Variants in TOGARAM2 observed in about 807,000 individuals in gnomAD.
The protein encoded by TOGARAM2 is TOG array regulator of axonemal microtubules protein 2.
TOGARAM2 carries 85 observed loss-of-function variants against 93.3 expected under a neutral mutation model. The observed-to-expected ratio is 0.91, with a 90% CI of 0.76 to 1.09. The LOEUF is 1.09. Ranked by LOEUF, TOGARAM2 falls within the 50% of genes least tolerant of loss-of-function variation. The pLI is 0.00. For missense variants in TOGARAM2, 1,277 were observed against 1,334.5 expected (o/e 0.96, Z 0.67); for synonymous variants, 593 against 552.8 (o/e 1.07, Z -1.02).
chr2:29,018,074 C>T, intron 10 of TOGARAM2, 118 bp downstream of exon 10: 3 of 1,201,442 alleles, frequency 2.5e-6, no homozygotes, highest in African/African-American at 1.6e-5. Context: ...CCATGTTAGA[C>T]CAGGAGGCAG....
intron 4 of TOGARAM2, among the ~76,000 whole-genome samples, chr2:29,000,816 C>T (rs1673248960): frequency 6.6e-6 from 1 of 152,132 alleles, no homozygotes; most frequent in South Asian, 2.1e-4. Flanking sequence ...CCTGGCTGCA[C>T]ATTATGGAGG....
At chr2:28,977,019 G>T (rs1034667086), upstream of TOGARAM2, among the ~76,000 whole-genome samples, 2 of 152,188 alleles carry the variant, frequency 1.3e-5, no homozygotes, top group South Asian at 2.1e-4. Flanking sequence ...TTCTACCTGG[G>T]GGGGCGTGGC....
intron 6 of TOGARAM2, among the ~76,000 whole-genome samples, chr2:29,005,494 TGA>T (rs1673688501): frequency 9.5e-6 from 1 of 105,220 alleles, no homozygotes; most frequent in African/African-American, 3.2e-5. Context: ...TGCATGTGTG[TGA>T]GTGCATGTGT....
chr2:28,967,946 G>C (rs1016472747), intron 1 of TOGARAM2, among the ~76,000 whole-genome samples: 4 of 151,908 alleles, frequency 2.6e-5, no homozygotes, highest in African/African-American at 9.7e-5. Context: ...AGCCTCCCGG[G>C]TAGCTGGGAT....
rs1378602720 is a variant in TOGARAM2, at chr2:29,024,196, T to C, written c.1675T>C (p.Phe559Leu). The C allele has an allele frequency of 1.2e-6, 2 of 1,604,660 alleles. No individual in the cohort carries two copies. Among genetic ancestry groups the C allele is most frequent in the South Asian group, 2.2e-5 (2 of 89,114 alleles). Residue 559 changes from phenylalanine to leucine, a missense_variant, in exon 13 of 20, where the codon TTC (phenylalanine) becomes CTC (leucine). Transcript: ENST00000379558. ...HLAISTLGDL[F>L]QALKKNMDQE... ...GGCCATCAGCACCTTGGGAGACCTC[T>C]TCCAGGCCTTGAAGAAGAATATGGA...
At position 29,002,668 on chromosome 2, in the gene TOGARAM2, C is replaced by A. The variant is rs1673377317; in HGVS notation, c.560C>A (p.Ala187Asp). 1 of 1,613,910 alleles carries A rather than the reference C, an allele frequency of 6.2e-7. No individual in the cohort carries two copies. The highest frequency in any genetic ancestry group is 1.1e-5 in the South Asian group (1 of 91,082). The change falls in exon 5 of 20, where the codon GCC becomes GAC. Residue 187 changes from alanine to aspartate, a missense_variant. Physicochemically the swap from Ala to Asp is moderately radical, Grantham distance 126. Transcript: ENST00000379558. ...CAGAGCATCCCTACCACCCCTGAGGCCAGCGGAGTCAAAGAGAAGGGCCTG... is the reference window on the plus strand; with the variant it reads ...CAGAGCATCCCTACCACCCCTGAGGACAGCGGAGTCAAAGAGAAGGGCCTG... ...LIQSIPTTPE[A>D]SGVKEKGLDL... is the part of the protein sequence containing the mutation.
intron 14 of TOGARAM2, among the ~76,000 whole-genome samples, chr2:29,029,553 G>A (rs6759389): frequency 0.069 from 10,503 of 151,860 alleles, 412 homozygotes; most frequent in East Asian, 0.14. Context: ...TCAGGAGATC[G>A]AGACCATCCT....
At chr2:28,990,045 C>T (rs891791306) in intron 1 of TOGARAM2, among the ~76,000 whole-genome samples, 2 of 152,184 alleles carry the variant, frequency 1.3e-5, no homozygotes, top group Admixed American at 6.5e-5. Context: ...TGCAGGTCTA[C>T]GGCCTGGGCT....
At chr2:29,008,897 T>C (rs72788108) in intron 6 of TOGARAM2, among the ~76,000 whole-genome samples, 11,476 of 152,310 alleles carry the variant, frequency 0.075, 514 homozygotes, top group African/African-American at 0.12. Context: ...ATATCTGTCC[T>C]TTCCTGTTTG....
At chr2:29,037,681 A>G (rs1333686059) in intron 18 of TOGARAM2, among the ~76,000 whole-genome samples, 1 of 152,134 alleles carries the variant, frequency 6.6e-6, no homozygotes, top group Non-Finnish European at 1.5e-5. Context: ...TCAGTTACAA[A>G]TCAAAGGCCT....
chr2:28,985,332 G>T lies in TOGARAM2; in HGVS notation c.-111+3794G>T, dbSNP rs115992021. Among the ~76,000 whole-genome samples the T allele has an allele frequency of 6.4e-3, 959 of 149,792 alleles. 11 individuals are homozygous for T. Among genetic ancestry groups the T allele is most frequent in the African/African-American group, 0.021 (871 of 40,808 alleles). ...CAGCCTCCAGAACTAAATTGCTGGG[G>T]TTTTTTTTTTGTTTTGCTTTTCATT... On this transcript the variant is annotated intron_variant, in intron 1 of 19. Coordinates refer to ENST00000379558, the MANE Select transcript of TOGARAM2 (RefSeq NM_199280.4).
At chr2:29,048,270 C>T (rs1024449820) in intron 19 of TOGARAM2, 7 of 152,038 alleles carry the variant, frequency 4.6e-5, no homozygotes, top group African/African-American at 1.5e-4. Flanking sequence ...TCCCATGACA[C>T]GTAGGAATTG....
chr2:28,985,044 G>A (rs1054997036), intron 1 of TOGARAM2, among the ~76,000 whole-genome samples: 7 of 152,188 alleles, frequency 4.6e-5, no homozygotes, highest in African/African-American at 9.7e-5. Context: ...GAATGCATGC[G>A]TCCCACAAAT....
At chr2:28,982,963 TA>T (rs769185370) in intron 1 of TOGARAM2, among the ~76,000 whole-genome samples, 13 of 151,926 alleles carry the variant, frequency 8.6e-5, no homozygotes, top group Non-Finnish European at 1.6e-4. Context: ...GTTTTCCATC[TA>T]TGTCTGCATT....
intron 1 of TOGARAM2, among the ~76,000 whole-genome samples, chr2:28,962,043 G>A (rs6727948): frequency 0.43 from 64,821 of 151,776 alleles, 15,771 homozygotes; most frequent in Non-Finnish European, 0.55. Flanking sequence ...GGGAAGTTGG[G>A]CCTATTATTC....
upstream of TOGARAM2, among the ~76,000 whole-genome samples, chr2:28,978,442 C>T (rs918935340): frequency 6.6e-6 from 1 of 152,140 alleles, no homozygotes; most frequent in African/African-American, 2.4e-5. Flanking sequence ...GTATCTAGTC[C>T]TTCTTGTTGC....
chr2:29,051,443 T>G, intron 19 of TOGARAM2: 1 of 206,154 alleles, frequency 4.9e-6, no homozygotes, highest in Non-Finnish European at 9.6e-6. Flanking sequence ...GGAGGAACCA[T>G]TATGATTGTC....
chr2:28,969,812 C>CTTTTTTTT (rs66931912), intron 1 of TOGARAM2, among the ~76,000 whole-genome samples: 1 of 127,872 alleles, frequency 7.8e-6, no homozygotes, highest in Non-Finnish European at 1.6e-5. Context: ...GGTTGTCTTC[C>CTTTTTTTT]TTTTTTTTTT....
chr2:28,968,860 G>T (rs1287603391), intron 1 of TOGARAM2, among the ~76,000 whole-genome samples: 34 of 135,696 alleles, frequency 2.5e-4, no homozygotes, highest in Non-Finnish European at 3.3e-5. Flanking sequence ...AGAAAAAAGC[G>T]CATGCCGAAC....
Sources: gnomAD v4.1 joint callset for allele counts (sites outside exome capture counted in the v4.1 genomes callset) on GRCh38, gnomAD v4.1.1 for gene constraint, MANE v1.5 for transcripts, NCBI Gene and HGNC (gene_info 2026-07-23, HGNC 2026-07-21) for gene names.